The following PTPRT variants were observed in gnomAD, a reference collection of about 807,000 sequenced individuals.
PTPRT encodes the protein protein tyrosine phosphatase receptor type T, also known as receptor-type tyrosine-protein phosphatase T.
Under a neutral mutation model 176.8 loss-of-function variants are expected in PTPRT, and 56 were observed. The observed-to-expected ratio is 0.32, with a 90% CI of 0.26 to 0.40. PTPRT has a LOEUF of 0.40. Ranked by LOEUF, PTPRT falls within the 10% of genes least tolerant of loss-of-function variation. The pLI is 1.00. For missense variants in PTPRT, 1,540 were observed against 1,908.2 expected (o/e 0.81, Z 3.60); for synonymous variants, 783 against 739.0 (o/e 1.06, Z -0.96).
intron 7 of PTPRT, among the ~76,000 whole-genome samples, chr20:42,483,474 T>G (rs1331949984): frequency 3.9e-5 from 6 of 152,292 alleles, no homozygotes; most frequent in African/African-American, 1.4e-4. Flanking sequence ...CTCCACTCGT[T>G]CTTTAGGCCT....
intron 6 of PTPRT, among the ~76,000 whole-genome samples, chr20:42,697,265 A>G (rs1428994697): frequency 3.3e-5 from 5 of 152,200 alleles, no homozygotes; most frequent in Non-Finnish European, 4.4e-5. Context: ...TTTCAGATAA[A>G]CATAAAAGGA....
chr20:43,035,285 C>T (rs1568745448), intron 1 of PTPRT, among the ~76,000 whole-genome samples: 1 of 152,096 alleles, frequency 6.6e-6, no homozygotes, highest in East Asian at 1.9e-4. Flanking sequence ...TTACCAAGAG[C>T]ACTTGGATAC....
At chr20:42,648,936 A>C (rs1439830042) in intron 7 of PTPRT, among the ~76,000 whole-genome samples, 2 of 149,378 alleles carry the variant, frequency 1.3e-5, no homozygotes, top group African/African-American at 5.0e-5. Context: ...CTCCTGCCTC[A>C]GCCTCCCGAG....
At chr20:42,056,201 T>C in the PTPRT span, among the ~76,000 whole-genome samples, 1 of 152,206 alleles carries the variant, frequency 6.6e-6, no homozygotes, top group African/African-American at 2.4e-5. Context: ...TATTTAGCAG[T>C]ATTTGTCTTA....
chr20:42,108,506 T>C (rs982164329), intron 23 of PTPRT, among the ~76,000 whole-genome samples: 4 of 152,238 alleles, frequency 2.6e-5, no homozygotes, highest in African/African-American at 9.6e-5. Flanking sequence ...TGGATGAAAT[T>C]ACAATTAAAA....
At chr20:42,979,348 A>G (rs562979987) in intron 1 of PTPRT, among the ~76,000 whole-genome samples, 1 of 152,152 alleles carries the variant, frequency 6.6e-6, no homozygotes, top group South Asian at 2.1e-4. Flanking sequence ...CCTTTTTTGT[A>G]ATTGTATTTT....
intron 15 of PTPRT, among the ~76,000 whole-genome samples, chr20:42,200,721 T>G (rs1991414986): frequency 6.6e-6 from 1 of 152,204 alleles, no homozygotes. Flanking sequence ...TTTTCCAACA[T>G]ATATGCATCG....
intron 1 of PTPRT, among the ~76,000 whole-genome samples, chr20:43,152,464 G>C (rs746320065): frequency 7.2e-5 from 11 of 152,170 alleles, no homozygotes; most frequent in Non-Finnish European, 1.2e-4. Flanking sequence ...TCTCAGTGTA[G>C]CTTAGCCCAT....
chr20:42,976,411 T>A (rs143867912), intron 1 of PTPRT, among the ~76,000 whole-genome samples: 2,232 of 152,114 alleles, frequency 0.015, 44 homozygotes, highest in Middle Eastern at 0.055. Flanking sequence ...TTATTTATTT[T>A]TTTTTTTTTA....
chr20:42,274,170 T>C (rs1345139757), intron 13 of PTPRT, among the ~76,000 whole-genome samples: 1 of 152,228 alleles, frequency 6.6e-6, no homozygotes, highest in Non-Finnish European at 1.5e-5. Flanking sequence ...TCCAGTCAAC[T>C]TGCAGTTGGG....
chr20:43,111,337 A>G (rs1446096269), intron 1 of PTPRT, among the ~76,000 whole-genome samples: 1 of 152,026 alleles, frequency 6.6e-6, no homozygotes, highest in Non-Finnish European at 1.5e-5. Context: ...CAGGAGTTTG[A>G]GACCAGCCTG....
At chr20:42,922,226 G>A (rs559138053) in intron 1 of PTPRT, among the ~76,000 whole-genome samples, 6 of 152,210 alleles carry the variant, frequency 3.9e-5, no homozygotes, top group Admixed American at 3.3e-4. Context: ...GAGCCACCGC[G>A]CCTGGCCCTC....
At chr20:42,883,742 T>TCCCATA (rs1600515695) in intron 2 of PTPRT, among the ~76,000 whole-genome samples, 838 of 11,764 alleles carry the variant, frequency 0.071, no homozygotes, top group African/African-American at 0.18. Context: ...CCATACACTC[T>TCCCATA]CACACATACC....
At chr20:43,139,354 T>C (rs146098581) in intron 1 of PTPRT, among the ~76,000 whole-genome samples, 1 of 152,354 alleles carries the variant, frequency 6.6e-6, no homozygotes, top group Admixed American at 6.5e-5. Flanking sequence ...TCACTCTCTG[T>C]GGCTTCTTGG....
intron 15 of PTPRT, among the ~76,000 whole-genome samples, chr20:42,214,572 A>C (rs902049134): frequency 1.8e-4 from 28 of 152,196 alleles, no homozygotes; most frequent in Admixed American, 2.6e-4. Context: ...TTGGTCTTCT[A>C]CTTCCATTGC....
intron 1 of PTPRT, among the ~76,000 whole-genome samples, chr20:43,047,775 A>G (rs368178714): frequency 1.3e-5 from 2 of 152,196 alleles, no homozygotes. Context: ...TGCCAGGTAG[A>G]GCTCTGCAAT....
At chr20:42,957,956 G>A (rs899210849) in intron 1 of PTPRT, among the ~76,000 whole-genome samples, 2 of 151,208 alleles carry the variant, frequency 1.3e-5, no homozygotes, top group Non-Finnish European at 2.9e-5. Flanking sequence ...GGGTACTTTG[G>A]GCCCAATACT....
intron 12 of PTPRT, among the ~76,000 whole-genome samples, chr20:42,302,625 C>T (rs1309041230): frequency 2.0e-5 from 3 of 152,206 alleles, no homozygotes; most frequent in African/African-American, 4.8e-5. Context: ...TTATTGCCCA[C>T]ATTTGTCTTC....
At chr20:42,803,873 C>T (rs767123913) in intron 2 of PTPRT, among the ~76,000 whole-genome samples, 12 of 152,172 alleles carry the variant, frequency 7.9e-5, no homozygotes, top group Non-Finnish European at 1.6e-4. Flanking sequence ...TTCTTGACCA[C>T]TGCCCTACAT....
Sources: allele counts gnomAD v4.1 joint callset (sites outside exome capture counted in the v4.1 genomes callset), GRCh38; gene constraint gnomAD v4.1.1; transcripts MANE v1.5; gene names NCBI Gene and HGNC (gene_info 2026-07-23, HGNC 2026-07-21).